Variants in PDE3B observed in about 807,000 individuals in gnomAD.
The protein encoded by PDE3B is cGMP-inhibited 3',5'-cyclic phosphodiesterase 3B.
A neutral mutation model predicts 116.8 loss-of-function variants in PDE3B; 66 were observed. That is an observed-to-expected ratio of 0.56 (90% CI 0.46 to 0.69). The LOEUF (loss-of-function observed/expected upper bound fraction) is 0.69, where lower values mean the gene tolerates loss of function less well. PDE3B is among the 30% of genes least tolerant of loss of function. The pLI, the probability that PDE3B is intolerant of heterozygous loss-of-function variation, is 0.00. For synonymous variants in PDE3B, 595 were observed against 533.6 expected, an observed-to-expected ratio of 1.12 and a Z score of -1.59; for missense variants, 1,384 against 1,368.1, an observed-to-expected ratio of 1.01 and a Z score of -0.18.
chr11:14,814,125 A>G (rs550799164), intron 5 of PDE3B, among the ~76,000 whole-genome samples: 14 of 152,308 alleles, frequency 9.2e-5, no homozygotes, highest in Non-Finnish European at 1.9e-4. Flanking sequence ...TTAATCTGAT[A>G]AAGTATCTAT....
chr11:14,893,712 C>T, the PDE3B span, among the ~76,000 whole-genome samples: 3 of 152,196 alleles, frequency 2.0e-5, no homozygotes, highest in African/African-American at 7.2e-5. Context: ...CTACTTCCTT[C>T]TTCCACTTAT....
At chr11:14,786,353 A>C (rs565874353) in intron 2 of PDE3B, 84 bp from the exon 3 acceptor site, 12 of 978,180 alleles carry the variant, frequency 1.2e-5, no homozygotes, top group Admixed American at 2.9e-5. Context: ...ATATATATAT[A>C]AATTTTAAGT....
chr11:14,695,933 A>C (rs1590068622), intron 1 of PDE3B, among the ~76,000 whole-genome samples: 1 of 152,028 alleles, frequency 6.6e-6, no homozygotes, highest in Non-Finnish European at 1.5e-5. Context: ...ATTTGGGTTG[A>C]TTCCATGTCT....
At chr11:14,666,055 A>G (rs1282859074) in intron 1 of PDE3B, among the ~76,000 whole-genome samples, 1 of 152,078 alleles carries the variant, frequency 6.6e-6, no homozygotes, top group Non-Finnish European at 1.5e-5. Flanking sequence ...ACACTAACCA[A>G]AACAGCATGG....
chr11:14,859,016 G>A, intron 12 of PDE3B, 27 bp from the exon 13 acceptor site: 1 of 1,514,074 alleles, frequency 6.6e-7, no homozygotes, highest in East Asian at 2.3e-5. Context: ...TGAGGTGTCT[G>A]CCTCATTTTT....
chr11:14,716,510 A>C (rs1855901498), intron 1 of PDE3B, among the ~76,000 whole-genome samples: 3 of 149,622 alleles, frequency 2.0e-5, no homozygotes, highest in Non-Finnish European at 4.5e-5. Context: ...CTGCAGACTT[A>C]AATGTCCCTG....
At chr11:14,706,724 T>C (rs1855545349) in intron 1 of PDE3B, among the ~76,000 whole-genome samples, 1 of 151,992 alleles carries the variant, frequency 6.6e-6, no homozygotes, top group African/African-American at 2.4e-5. Flanking sequence ...AAATTGTACT[T>C]ATTATCAATT....
chr11:14,799,730 A>G (rs1266744622), intron 4 of PDE3B, among the ~76,000 whole-genome samples: 1 of 134,036 alleles, frequency 7.5e-6, no homozygotes, highest in Non-Finnish European at 1.6e-5. Flanking sequence ...AGTCTGTTTT[A>G]TCAGAGATTA....
intron 4 of PDE3B, among the ~76,000 whole-genome samples, chr11:14,789,555 A>G (rs1400353684): frequency 2.6e-5 from 4 of 152,042 alleles, no homozygotes; most frequent in African/African-American, 9.7e-5. Context: ...AGAAGTGGCC[A>G]TTACAGGGTT....
chr11:14,657,676 C>T (rs183687001), intron 1 of PDE3B, among the ~76,000 whole-genome samples: 12 of 152,322 alleles, frequency 7.9e-5, no homozygotes, highest in Admixed American at 7.9e-4. Context: ...AGCAGCATTA[C>T]TGGGCATTCT....
At chr11:14,792,085 T>G (rs1858406967) in intron 4 of PDE3B, among the ~76,000 whole-genome samples, 1 of 152,146 alleles carries the variant, frequency 6.6e-6, no homozygotes, top group South Asian at 2.1e-4. Context: ...ATTGCATTTT[T>G]GGACTCTTTA....
At chr11:14,724,837 T>C (rs1287905693) in intron 1 of PDE3B, among the ~76,000 whole-genome samples, 2 of 152,204 alleles carry the variant, frequency 1.3e-5, no homozygotes, top group Non-Finnish European at 2.9e-5. Context: ...ACAAAGGATA[T>C]AGTAGAAGGA....
At chr11:14,891,880 A>T in the PDE3B span, 1 of 1,454,702 alleles carries the variant, frequency 6.9e-7, no homozygotes, top group Admixed American at 2.5e-5. Context: ...AGAGGTCCCG[A>T]CTAGTCGGCC....
chr11:14,704,837 C>A (rs1030090673), intron 1 of PDE3B, among the ~76,000 whole-genome samples: 1 of 151,232 alleles, frequency 6.6e-6, no homozygotes, highest in Non-Finnish European at 1.5e-5. Flanking sequence ...AAACACAAAC[C>A]ATAAAAGAAA....
chr11:14,794,885 A>C (rs1467878550), intron 4 of PDE3B, among the ~76,000 whole-genome samples: 1 of 152,220 alleles, frequency 6.6e-6, no homozygotes, highest in East Asian at 1.9e-4. Context: ...ATCAACAGCC[A>C]GATGAGGAGA....
chr11:14,884,722 AAC>A, the PDE3B span, among the ~76,000 whole-genome samples: 4 of 151,962 alleles, frequency 2.6e-5, no homozygotes, highest in African/African-American at 7.2e-5. Context: ...GAAATAAAAA[AAC>A]ACATAATTTT....
intron 1 of PDE3B, among the ~76,000 whole-genome samples, chr11:14,761,466 A>G (rs766398929): frequency 5.3e-5 from 8 of 152,100 alleles, no homozygotes; most frequent in Admixed American, 2.6e-4. Flanking sequence ...AGATTTTATT[A>G]TTTTATGCTA....
At chr11:14,867,838 C>T in intron 15 of PDE3B, 80 bp downstream of exon 15, 2 of 1,297,118 alleles carry the variant, frequency 1.5e-6, no homozygotes, top group Non-Finnish European at 1.0e-6. Flanking sequence ...ATATGAAATG[C>T]TCCAAAATCC....
In PDE3B at chr11:14,799,757, CTTT is replaced by C. The variant is rs60506229; in HGVS notation, c.1416-4171_1416-4169del. 4.7e-3 allele frequency among the ~76,000 whole-genome samples: 504 copies of C among 107,978 alleles called. 2 individuals carry two copies. Among genetic ancestry groups the C allele is most frequent in the African/African-American group, 9.2e-3 (252 of 27,516 alleles). The allele number at this position is 107,978 out of a possible 152,430, so 70.8% of individuals were successfully genotyped here. A position where few individuals can be genotyped will look rare whatever the true frequency, so the allele number is the denominator to read the frequency against. On this transcript the variant is annotated intron_variant, in intron 4 of 15. Transcript: ENST00000282096. Reference sequence around the variant, plus strand: ...CAGAGATTAGGACTGCAACTCCTGCCTTTTTTTTTTTTTTTTTTGCTTTCCATT... The same window carrying C: ...CAGAGATTAGGACTGCAACTCCTGCCTTTTTTTTTTTTTTTGCTTTCCATT...
Sources: allele counts gnomAD v4.1 joint callset (sites outside exome capture counted in the v4.1 genomes callset), GRCh38; gene constraint gnomAD v4.1.1; transcripts MANE v1.5; gene names NCBI Gene and HGNC (gene_info 2026-07-23, HGNC 2026-07-21).